The following SH3BP4 variants were observed in gnomAD, a reference collection of about 807,000 sequenced individuals.
SH3BP4 encodes SH3 domain binding protein 4, also known as SH3 domain-binding protein 4.
Under a neutral mutation model 65.5 loss-of-function variants are expected in SH3BP4, and 33 were observed. The observed-to-expected ratio is 0.50, with a 90% CI of 0.38 to 0.67. SH3BP4 has a LOEUF of 0.67. Among genes scored for constraint, SH3BP4 ranks in the 30% least tolerant of loss-of-function variants. The pLI, the probability that SH3BP4 is intolerant of heterozygous loss-of-function variation, is 0.00. For synonymous variants in SH3BP4, 552 were observed against 545.5 expected (o/e 1.01, Z -0.17); for missense variants, 1,134 against 1,261.4 (o/e 0.90, Z 1.53).
chr2:235,037,842 A>G (rs1695435087), intron 3 of SH3BP4, among the ~76,000 whole-genome samples: 1 of 151,994 alleles, frequency 6.6e-6, no homozygotes, highest in Non-Finnish European at 1.5e-5. Context: ...CATGAAAGCC[A>G]TTTTCTTTCA....
intron 2 of SH3BP4, among the ~76,000 whole-genome samples, chr2:235,013,607 C>CA: frequency 6.6e-6 from 1 of 152,356 alleles, no homozygotes; most frequent in East Asian, 1.9e-4. Flanking sequence ...AACACTGCCT[C>CA]AAGAGCTCCC....
At chr2:234,963,171 G>C (rs1262487274) in intron 1 of SH3BP4, among the ~76,000 whole-genome samples, 1 of 152,186 alleles carries the variant, frequency 6.6e-6, no homozygotes, top group East Asian at 1.9e-4. Flanking sequence ...ACAGTACCCT[G>C]TTTGTTTAAT....
Position 234,976,963 on chromosome 2 carries a change from G to C in SH3BP4, c.-206-18340G>C, listed in dbSNP as rs150486268. Among the ~76,000 whole-genome samples the C allele has an allele frequency of 3.5e-4, 54 of 152,282 alleles. No individual in the cohort carries two copies. The East Asian group carries it at 8.9e-3, about 25-fold the overall frequency. On this transcript the variant is annotated intron_variant, in intron 1 of 5. Coordinates refer to ENST00000392011, the MANE Select transcript of SH3BP4 (RefSeq NM_014521.3). The surrounding 1 kb of genome is among the most constrained non-coding windows in gnomAD (Gnocchi z 4.7). ...CATAGGAGACCCGGATGAAGGACAGGCTTTATTGTTTGATGATAGTGCACC... is the reference window on the plus strand; with the variant it reads ...CATAGGAGACCCGGATGAAGGACAGCCTTTATTGTTTGATGATAGTGCACC...
chr2:234,978,258 T>C lies in SH3BP4; in HGVS notation c.-206-17045T>C, dbSNP rs1342727239. On this transcript the variant is annotated intron_variant, in intron 1 of 5. Coordinates refer to ENST00000392011, the MANE Select transcript of SH3BP4 (RefSeq NM_014521.3). This position sits in a 1 kb window ranked among gnomAD's most constrained non-coding sequence, Gnocchi z 4.1. ...GGCGTGAGCCACCATGCTGGCAGTC[T>C]GTTTCTATTTTGGCATTTCCTCACT... Among the ~76,000 whole-genome samples, 5 of 152,210 alleles carry C rather than the reference T, an allele frequency of 3.3e-5. No homozygotes were observed. Among genetic ancestry groups the C allele is most frequent in the African/African-American group, 1.2e-4 (5 of 41,478 alleles).
chr2:234,966,735 A>G (rs1692847854), intron 1 of SH3BP4, among the ~76,000 whole-genome samples: 1 of 152,192 alleles, frequency 6.6e-6, no homozygotes, highest in African/African-American at 2.4e-5. Context: ...TTGACTCTCT[A>G]ATATTCCTTT....
At chr2:235,008,627 C>T (rs1457852615) in intron 2 of SH3BP4, 1 of 152,220 alleles carries the variant, frequency 6.6e-6, no homozygotes, top group African/African-American at 2.4e-5. Context: ...CTCTGGATCA[C>T]TCTTGGTGCC....
chr2:235,038,529 C>G (rs538666196), intron 3 of SH3BP4, among the ~76,000 whole-genome samples: 116 of 148,410 alleles, frequency 7.8e-4, no homozygotes, highest in Middle Eastern at 3.5e-3. Context: ...ATGTATATTA[C>G]AGATATATAA....
In SH3BP4 at chr2:234,959,948, G is replaced by A. The variant is rs144349552; in HGVS notation, c.-207+7778G>A. Among the ~76,000 whole-genome samples the A allele has an allele frequency of 2.8e-3, 433 of 152,208 alleles. 1 individual carries two copies. The highest frequency in any genetic ancestry group is 0.01 in the African/African-American group (419 of 41,524). On this transcript the variant is annotated intron_variant, in intron 1 of 5. Transcript: ENST00000392011. ...ATTACAGGCATGAGCCACCTTGCCC[G>A]GCGAGGATTTGATTTTTTAAAAGCT...
At chr2:234,993,059 G>C (rs1204417860) in intron 1 of SH3BP4, among the ~76,000 whole-genome samples, 1 of 152,232 alleles carries the variant, frequency 6.6e-6, no homozygotes, top group African/African-American at 2.4e-5. Flanking sequence ...GGGAGGCTGG[G>C]GAGTTCCTGT....
rs12612114 is a variant in SH3BP4, at chr2:234,980,360, A to G, written c.-206-14943A>G. On this transcript the variant is annotated intron_variant, in intron 1 of 5. Coordinates refer to ENST00000392011, the MANE Select transcript of SH3BP4 (RefSeq NM_014521.3). Reference sequence around the variant, plus strand: ...AACAATTATAGCACTATATTGTAATAAAAGTTGTGTGAATGTGTTTTCTCC... The same window carrying G: ...AACAATTATAGCACTATATTGTAATGAAAGTTGTGTGAATGTGTTTTCTCC... Among the ~76,000 whole-genome samples, 185 of 152,370 alleles carry G rather than the reference A, an allele frequency of 1.2e-3. 3 individuals are homozygous for G. The East Asian group carries it at 0.033, about 27-fold the overall frequency.
chr2:235,052,893 C>A lies in SH3BP4; in HGVS notation c.2667+143C>A. The A allele has an allele frequency of 1.2e-6, 1 of 817,986 alleles. No individual in the cohort carries two copies. Among genetic ancestry groups the A allele is most frequent in the Non-Finnish European group, 1.9e-6 (1 of 534,354 alleles). 50.7% of individuals were successfully genotyped at this position (817,986 alleles called of 1,614,324 possible). ...TGGAAATGTGCACGCATGTGCCCAG[C>A]ACTGGGTGTGCCTCACTGAGTGGGA... On this transcript the variant is annotated intron_variant, in intron 5 of 5. Coordinates refer to ENST00000392011, the MANE Select transcript of SH3BP4 (RefSeq NM_014521.3). The surrounding 1 kb of genome is among the most constrained non-coding windows in gnomAD (Gnocchi z 5.0).
intron 1 of SH3BP4, among the ~76,000 whole-genome samples, chr2:234,973,570 G>A (rs1385595992): frequency 6.6e-6 from 1 of 151,982 alleles, no homozygotes; most frequent in Non-Finnish European, 1.5e-5. Flanking sequence ...TATGCAATAC[G>A]TACCCCCCTG....
chr2:234,953,663 G>A (rs1256108001), intron 1 of SH3BP4, among the ~76,000 whole-genome samples: 1 of 152,152 alleles, frequency 6.6e-6, no homozygotes, highest in Non-Finnish European at 1.5e-5. Flanking sequence ...GACATCCGTG[G>A]ATGGACAGCG....
chr2:234,959,025 A>G (rs1421833785), intron 1 of SH3BP4, among the ~76,000 whole-genome samples: 5 of 152,024 alleles, frequency 3.3e-5, no homozygotes, highest in Non-Finnish European at 2.9e-5. Flanking sequence ...TTGGGTGTGA[A>G]TAGCTGATCA....
intron 2 of SH3BP4, among the ~76,000 whole-genome samples, chr2:235,013,170 G>A (rs373142190): frequency 1.9e-4 from 29 of 152,314 alleles, no homozygotes; most frequent in African/African-American, 6.7e-4. Flanking sequence ...GTGCTGACTC[G>A]CAAGGCACAT....
Position 235,035,017 on chromosome 2 carries a change from G to T in SH3BP4, c.15G>T (p.Arg5=). The change falls in exon 3 of 6, where the codon CGG becomes CGT. Residue 5 remains arginine (R), a synonymous_variant. Transcript: ENST00000392011. This position sits in a 1 kb window ranked among gnomAD's most constrained non-coding sequence, Gnocchi z 5.0. MAAQ[R]IRAANSNGLP... is the part of the protein sequence containing the mutation. ...CGAGTTTCGAGATGGCGGCTCAGCG[G>T]ATCCGAGCGGCCAACTCCAATGGCC... 6.2e-7 allele frequency: 1 copy of T among 1,614,032 alleles called. No individual in the cohort carries two copies. The highest frequency in any genetic ancestry group is 1.3e-5 in the African/African-American group (1 of 75,056).
chr2:234,953,266 A>G (rs1241950790), intron 1 of SH3BP4: 2 of 152,250 alleles, frequency 1.3e-5, no homozygotes, highest in African/African-American at 4.8e-5. Context: ...CAAACAGGAA[A>G]CCATCCCCAA....
At chr2:235,010,816 A>G (rs1694463359) in intron 2 of SH3BP4, among the ~76,000 whole-genome samples, 2 of 79,612 alleles carry the variant, frequency 2.5e-5, no homozygotes, top group Admixed American at 2.9e-4. Context: ...TCCCTCTTCT[A>G]GAACCCTTCC....
Position 235,045,279 on chromosome 2 carries a change from C to T in SH3BP4, c.2478+2032C>T, listed in dbSNP as rs990400911. Among the ~76,000 whole-genome samples, 4 of 152,188 alleles carry T rather than the reference C, an allele frequency of 2.6e-5. No individual in the cohort carries two copies. Among genetic ancestry groups the T allele is most frequent in the African/African-American group, 9.7e-5 (4 of 41,444 alleles). Reference sequence around the variant, plus strand: ...GCCCAGGACACTCACCTCGACGTTGCACCAGAGGTGGAAAAATGACACAAC... The same window carrying T: ...GCCCAGGACACTCACCTCGACGTTGTACCAGAGGTGGAAAAATGACACAAC... On this transcript the variant is annotated intron_variant, in intron 4 of 5. Transcript: ENST00000392011. The surrounding 1 kb of genome is among the most constrained non-coding windows in gnomAD (Gnocchi z 4.3).
Sources: allele counts gnomAD v4.1 joint callset (sites outside exome capture counted in the v4.1 genomes callset), GRCh38; gene constraint gnomAD v4.1.1; non-coding constraint Gnocchi (gnomAD v3.1); transcripts MANE v1.5; gene names NCBI Gene and HGNC (gene_info 2026-07-23, HGNC 2026-07-21).